Variants in SLC1A6 observed in about 807,000 individuals in gnomAD.
SLC1A6 encodes excitatory amino acid transporter 4.
Under a neutral mutation model 42.1 loss-of-function variants are expected in SLC1A6, and 15 were observed. The ratio of observed to expected loss-of-function variants is 0.36; its 90% confidence interval spans 0.24 to 0.55. The LOEUF (loss-of-function observed/expected upper bound fraction) is 0.55. SLC1A6 is among the 20% of genes least tolerant of loss of function. SLC1A6 has a pLI of 0.88. For missense variants in SLC1A6, 542 were observed against 772.5 expected, an observed-to-expected ratio of 0.70 and a Z score of 3.54; for synonymous variants, 317 against 319.7, an observed-to-expected ratio of 0.99 and a Z score of 0.09.
intron 1 of SLC1A6, among the ~76,000 whole-genome samples, chr19:14,998,455 C>A (rs2045857102): frequency 6.6e-6 from 1 of 152,136 alleles, no homozygotes; most frequent in South Asian, 2.1e-4. Flanking sequence ...GCAGGAGAAT[C>A]ACTTGAACCC....
At chr19:14,988,792 A>C (rs1017012378) in intron 1 of SLC1A6, among the ~76,000 whole-genome samples, 1 of 152,126 alleles carries the variant, frequency 6.6e-6, no homozygotes, top group African/African-American at 2.4e-5. Flanking sequence ...AGGAGGGAGG[A>C]TCCCTTGAGC....
chr19:14,980,887 C>T (rs535425060), upstream of SLC1A6, among the ~76,000 whole-genome samples: 5 of 152,156 alleles, frequency 3.3e-5, no homozygotes, highest in South Asian at 1.0e-3. Flanking sequence ...AACAGATGCC[C>T]CAATTCTAAT....
At chr19:14,988,241 C>T (rs966928058) in intron 1 of SLC1A6, among the ~76,000 whole-genome samples, 6 of 152,094 alleles carry the variant, frequency 3.9e-5, no homozygotes, top group African/African-American at 1.2e-4. Flanking sequence ...TGGCAGTTAA[C>T]CAAGAGACTT....
intron 1 of SLC1A6, among the ~76,000 whole-genome samples, chr19:15,007,812 G>T (rs756767063): frequency 2.9e-4 from 44 of 152,190 alleles, no homozygotes; most frequent in Non-Finnish European, 5.1e-4. Flanking sequence ...ATCATCTGAG[G>T]TCAGGACTTT....
chr19:14,954,388 A>G (rs992639462), intron 7 of SLC1A6, 59 bp from the exon 8 acceptor site: 7 of 1,512,250 alleles, frequency 4.6e-6, no homozygotes, highest in African/African-American at 1.4e-5. Context: ...CGGGGCTGGG[A>G]ACAGGGTGTG....
At chr19:15,010,350 G>T in intron 1 of SLC1A6, 1 of 333,376 alleles carries the variant, frequency 3.0e-6, no homozygotes, top group Non-Finnish European at 6.0e-6. Flanking sequence ...TATTCTACCT[G>T]TGGGAACAGC....
At chr19:14,953,544 C>T (rs62116195) in intron 8 of SLC1A6, among the ~76,000 whole-genome samples, 20,373 of 151,636 alleles carry the variant, frequency 0.13, 1,781 homozygotes, top group African/African-American at 0.26. Flanking sequence ...TGTGAGCCAC[C>T]GCGCCTGACA....
chr19:14,983,963 T>C (rs575957638), upstream of SLC1A6, among the ~76,000 whole-genome samples: 29 of 152,172 alleles, frequency 1.9e-4, no homozygotes, highest in East Asian at 5.6e-3. Flanking sequence ...AAACTAAATC[T>C]TGTACTTCCC....
At chr19:14,975,844 A>G (rs1196378471) in intron 1 of SLC1A6, among the ~76,000 whole-genome samples, 2 of 94,416 alleles carry the variant, frequency 2.1e-5, no homozygotes, top group Non-Finnish European at 4.3e-5. Context: ...AGGGAAGGGG[A>G]CAAAGGGAAG....
intron 5 of SLC1A6, among the ~76,000 whole-genome samples, chr19:14,963,011 A>C (rs1338543251): frequency 6.6e-6 from 1 of 152,214 alleles, no homozygotes; most frequent in African/African-American, 2.4e-5. Flanking sequence ...TCCCATGTTT[A>C]TTGCAGTACT....
chr19:14,954,506 C>T (rs1003934242), intron 7 of SLC1A6, among the ~76,000 whole-genome samples, 177 bp from the exon 8 acceptor site: 6 of 151,260 alleles, frequency 4.0e-5, no homozygotes, highest in African/African-American at 1.2e-4. Context: ...GTCACATGGG[C>T]GGGGCTGAGA....
intron 1 of SLC1A6, among the ~76,000 whole-genome samples, chr19:15,000,979 G>T (rs538539136): frequency 7.2e-5 from 11 of 152,158 alleles, no homozygotes; most frequent in African/African-American, 2.6e-4. Context: ...ACCTAATTTG[G>T]GTTATCCCAC....
upstream of SLC1A6, among the ~76,000 whole-genome samples, chr19:14,981,291 T>TA (rs569430449): frequency 0.011 from 1,475 of 135,858 alleles, 15 homozygotes; most frequent in South Asian, 0.066. Context: ...AGACCTTGTC[T>TA]AAAAAAAAAA....
chr19:14,953,671 C>T (rs1350953344), intron 8 of SLC1A6, among the ~76,000 whole-genome samples: 2 of 152,102 alleles, frequency 1.3e-5, no homozygotes, highest in Admixed American at 6.6e-5. Context: ...ACCCGATATG[C>T]CATTTTAAAC....
rs1327972828 is a variant in SLC1A6 at position 14,953,057 on chromosome 19, G to A, written c.1370C>T (p.Thr457Met). ...AGCCCCAACACTGGCTGCTGTGGCCGTGATGCTGCAGGGGGAGGGAGAACA... is the reference window on the plus strand; with the variant it reads ...AGCCCCAACACTGGCTGCTGTGGCCATGATGCTGCAGGGGGAGGGAGAACA... ...NLGQITTISI[T>M]ATAASVGAAG... Residue 457 changes from threonine (T) to methionine (M), a missense_variant, in exon 9 of 10, where the codon ACG becomes ATG. By Grantham distance (81) the Thr-to-Met change is moderately conservative. This residue lies in a region of SLC1A6 where 54 missense variants were observed against 125.1 expected (regional missense o/e 0.43). Transcript: ENST00000594383. 10 of 1,612,736 alleles carry A rather than the reference G, an allele frequency of 6.2e-6. No homozygotes were observed. The highest frequency in any genetic ancestry group is 3.3e-5 in the Admixed American group (2 of 59,882).
intron 9 of SLC1A6, 136 bp downstream of exon 9, chr19:14,952,792 A>AG: frequency 8.9e-7 from 1 of 1,121,484 alleles, no homozygotes; most frequent in Non-Finnish European, 1.2e-6. Context: ...AGGCCTCTCC[A>AG]AGGCCTCCTT....
exon 1 of SLC1A6, chr19:15,010,580 G>A: frequency 1.5e-6 from 1 of 652,288 alleles, no homozygotes; most frequent in Non-Finnish European, 2.8e-6. Context: ...CGGCGAGAAG[G>A]ATGCTAGATG....
intron 1 of SLC1A6, among the ~76,000 whole-genome samples, chr19:14,997,487 C>A (rs1209262375): frequency 6.6e-6 from 1 of 152,106 alleles, no homozygotes; most frequent in Non-Finnish European, 1.5e-5. Flanking sequence ...GGGTTCATAG[C>A]TTAAAAGAAT....
chr19:14,982,068 A>G (rs1395462134), upstream of SLC1A6, among the ~76,000 whole-genome samples: 2 of 152,028 alleles, frequency 1.3e-5, no homozygotes, highest in Non-Finnish European at 2.9e-5. Flanking sequence ...TAAAAAAAAA[A>G]ATAAAATTTA....
Sources: gnomAD v4.1 joint callset for allele counts (sites outside exome capture counted in the v4.1 genomes callset) on GRCh38, gnomAD v4.1.1 for gene constraint, gnomAD v4.1.1 regional missense constraint, MANE v1.5 for transcripts, NCBI Gene and HGNC (gene_info 2026-07-23, HGNC 2026-07-21) for gene names.